COL6A5: variants seen among roughly 807,000 people sequenced by gnomAD.
COL6A5 encodes the protein collagen alpha-5(VI) chain.
Under a neutral mutation model 65.6 loss-of-function variants are expected in COL6A5, and 48 were observed. The ratio of observed to expected loss-of-function variants is 0.73; its 90% CI spans 0.58 to 0.93. COL6A5 has a LOEUF of 0.93. COL6A5 is among the 40% of genes least tolerant of loss of function. The pLI, the probability that COL6A5 is intolerant of heterozygous loss-of-function variation, is 0.00. For missense variants in COL6A5, 914 were observed against 928.3 expected, an observed-to-expected ratio of 0.98 and a Z score of 0.20; for synonymous variants, 291 against 322.8, an observed-to-expected ratio of 0.90 and a Z score of 1.05.
chr3:130,362,983 A>G (rs1935197798), intron 1 of COL6A5, among the ~76,000 whole-genome samples: 1 of 152,178 alleles, frequency 6.6e-6, no homozygotes, highest in Admixed American at 6.5e-5. Context: ...AATCTCTTTT[A>G]GTTGTGCATT....
chr3:130,408,805 G>A (rs1221712783), intron 17 of COL6A5, among the ~76,000 whole-genome samples: 3 of 152,128 alleles, frequency 2.0e-5, no homozygotes, highest in Non-Finnish European at 2.9e-5. Context: ...AAGAAACTAC[G>A]TTGAAATATT....
At chr3:130,405,885 T>C (rs1936970890) in intron 14 of COL6A5, 108 bp from the exon 15 acceptor site, 2 of 1,121,466 alleles carry the variant, frequency 1.8e-6, no homozygotes, top group African/African-American at 3.1e-5. Flanking sequence ...TGTAGATGTA[T>C]AGCCCGAAGC....
At chr3:130,427,248 A>G (rs1332542492), upstream of COL6A5, among the ~76,000 whole-genome samples, 2 of 152,326 alleles carry the variant, frequency 1.3e-5, no homozygotes, top group African/African-American at 2.4e-5. Context: ...TAGAAAAACA[A>G]TGATTTACTG....
exon 3 of COL6A5, chr3:130,376,682 A>G (rs1935790929): frequency 6.2e-7 from 1 of 1,613,668 alleles, no homozygotes; most frequent in East Asian, 2.2e-5. Flanking sequence ...GGGTGCAGAA[A>G]GCTTCTGAGG....
At chr3:130,379,506 G>A (rs16845861) in exon 4 of COL6A5, 373,535 of 1,550,970 alleles carry the variant, frequency 0.24, 50,868 homozygotes, top group East Asian at 0.52. Flanking sequence ...GAAATTTAAG[G>A]CATCTTCAGA....
At chr3:130,442,525 G>T (rs901975885) in intron 3 of COL6A5, among the ~76,000 whole-genome samples, 4 of 152,160 alleles carry the variant, frequency 2.6e-5, no homozygotes, top group African/African-American at 9.7e-5. Flanking sequence ...TTCCAGCTGG[G>T]AAGTGTTAAA....
rs1198215242 is a variant in COL6A5 at position 130,440,855 on chromosome 3, T to C, written c.1241+30T>C. ...GTTATTATTTCATTGTTTGTCTTTT[T>C]TTTAATAAGCTAGTGTTTGTTAATA... is the stretch of plus-strand genomic sequence containing the variant. On this transcript the variant is annotated intron_variant, in intron 3 of 7. Coordinates refer to ENST00000512836, the Ensembl canonical transcript of COL6A5. The C allele has an allele frequency of 3.3e-6, 5 of 1,538,380 alleles. No individual in the cohort carries two copies. In the Admixed American group the frequency reaches 7.2e-5, roughly 22 times the overall value.
At chr3:130,458,457 T>C (rs1375231799) in intron 5 of COL6A5, among the ~76,000 whole-genome samples, 1 of 152,166 alleles carries the variant, frequency 6.6e-6, no homozygotes, top group Non-Finnish European at 1.5e-5. Context: ...TCATTAGACA[T>C]GCAGATTCTC....
intron 7 of COL6A5, among the ~76,000 whole-genome samples, chr3:130,482,365 CATTAT>C (rs200971705): frequency 0.032 from 4,828 of 152,130 alleles, 108 homozygotes; most frequent in South Asian, 0.097. Flanking sequence ...AGATGCATGG[CATTAT>C]TTCTGAGGCC....
At chr3:130,380,144 A>C in intron 4 of COL6A5, 94 bp downstream of exon 4, 1 of 921,266 alleles carries the variant, frequency 1.1e-6, no homozygotes, top group Non-Finnish European at 1.6e-6. Flanking sequence ...AATTGGATAA[A>C]GGAACTTTCA....
chr3:130,429,612 G>A (rs142205389), upstream of COL6A5: 2 of 1,537,398 alleles, frequency 1.3e-6, no homozygotes, highest in African/African-American at 1.4e-5. Flanking sequence ...GCTGTTCCCT[G>A]CTGAGATCAT....
In COL6A5 at chr3:130,405,918, T is replaced by C. The variant is rs1045481505; in HGVS notation, c.4354-75T>C. 3 of 1,392,820 alleles carry C rather than the reference T, an allele frequency of 2.2e-6. No individual in the cohort carries two copies. In the African/African-American group the frequency reaches 4.3e-5, roughly 20 times the overall value. 86.3% of individuals were successfully genotyped at this position (1,392,820 alleles called of 1,614,324 possible). On this transcript the variant is annotated intron_variant and NMD_transcript_variant, in intron 14 of 41. Coordinates refer to the COL6A5 transcript ENST00000312481. ...AGCGACTAAAGAAATACATGCTCAC[T>C]CACTTTAGAGAGGCAGTCTTTGAAT...
intron 6 of COL6A5, 120 bp downstream of exon 38, chr3:130,469,601 G>GT (rs2107614933): frequency 1.3e-6 from 1 of 783,530 alleles, no homozygotes; most frequent in Non-Finnish European, 2.0e-6. Flanking sequence ...GTATAAGTGA[G>GT]TAGGAGGCAG....
upstream of COL6A5, among the ~76,000 whole-genome samples, chr3:130,427,260 G>A (rs1937624018): frequency 6.6e-6 from 1 of 152,148 alleles, no homozygotes; most frequent in Non-Finnish European, 1.5e-5. Context: ...GATTTACTGT[G>A]TTCAAGGAGG....
chr3:130,478,938 C>T (rs1710164947), intron 7 of COL6A5, among the ~76,000 whole-genome samples: 1 of 151,994 alleles, frequency 6.6e-6, no homozygotes, highest in Non-Finnish European at 1.5e-5. Context: ...TCTGGCCCCT[C>T]CCATTTCCCA....
intron 1 of COL6A5, among the ~76,000 whole-genome samples, chr3:130,356,002 T>C (rs897593047): frequency 6.6e-6 from 1 of 152,134 alleles, no homozygotes; most frequent in African/African-American, 2.4e-5. Context: ...CAATAAAAAC[T>C]ATATTAAATT....
Position 130,477,331 on chromosome 3 carries a change from A to G in COL6A5, c.2328+6364A>G, listed in dbSNP as rs572304369. ...TGACAATTAAAAATATAAATCCATTATATCAAATTATCACTTTATGTTGTT... is the reference window on the plus strand; with the variant it reads ...TGACAATTAAAAATATAAATCCATTGTATCAAATTATCACTTTATGTTGTT... On this transcript the variant is annotated intron_variant, in intron 7 of 7. Transcript: ENST00000512836. 71 of 386,524 alleles carry G rather than the reference A, an allele frequency of 1.8e-4. 2 individuals are homozygous for G. The South Asian group carries it at 4.5e-3, about 24-fold the overall frequency. 23.9% of individuals were successfully genotyped at this position (386,524 alleles called of 1,614,324 possible).
chr3:130,431,846 C>T lies in COL6A5; in HGVS notation c.386C>T (p.Ala129Val), dbSNP rs919849162. ...GTGTTTTTTAGCAATGGTCAAACAGCCAGTAGGTCATCCATCATCACGGCC... is the reference window on the plus strand; with the variant it reads ...GTGTTTTTTAGCAATGGTCAAACAGTCAGTAGGTCATCCATCATCACGGCC... Residue 129 changes from alanine (A) to valine (V), a missense_variant, in exon 1 of 8, where the codon GCC (alanine) becomes GTC (valine). Coordinates refer to ENST00000512836, the Ensembl canonical transcript of COL6A5. 1.3e-5 allele frequency: 20 copies of T among 1,551,448 alleles called. No homozygotes were observed. The East Asian group carries it at 4.9e-4, about 38-fold the overall frequency.
chr3:130,483,617 A>G (rs1193628898), intron 7 of COL6A5, among the ~76,000 whole-genome samples: 1 of 152,172 alleles, frequency 6.6e-6, no homozygotes, highest in African/African-American at 2.4e-5. Context: ...TCACATGGCA[A>G]TGGTTGGGGA....
Sources: gnomAD v4.1 joint callset for allele counts (sites outside exome capture counted in the v4.1 genomes callset) on GRCh38, gnomAD v4.1.1 for gene constraint, MANE v1.5 for transcripts, NCBI Gene and HGNC (gene_info 2026-07-23, HGNC 2026-07-21) for gene names.